The following PTPN14 variants were observed in gnomAD, a reference collection of about 807,000 sequenced individuals.
The protein encoded by PTPN14 is tyrosine-protein phosphatase non-receptor type 14.
In PTPN14, 53 loss-of-function variants were observed where a neutral mutation model predicts 126.8. The observed-to-expected ratio is 0.42, with a 90% CI of 0.34 to 0.53. PTPN14 has a LOEUF of 0.53. PTPN14 is among the 20% of genes least tolerant of loss of function. The pLI is 0.08. For missense variants in PTPN14, 1,257 were observed against 1,552.9 expected, an observed-to-expected ratio of 0.81 and a Z score of 3.20; for synonymous variants, 630 against 599.3, an observed-to-expected ratio of 1.05 and a Z score of -0.75.
chr1:214,481,505 C>A (rs1660985550), intron 1 of PTPN14, among the ~76,000 whole-genome samples: 1 of 103,644 alleles, frequency 9.6e-6, no homozygotes, highest in East Asian at 2.5e-4. Context: ...GCGCGAAACT[C>A]CCGCTCAAAA....
At chr1:214,458,348 A>T (rs1004200893) in intron 2 of PTPN14, among the ~76,000 whole-genome samples, 1 of 152,036 alleles carries the variant, frequency 6.6e-6, no homozygotes, top group African/African-American at 2.4e-5. Context: ...GCCTGGCCCC[A>T]GTTTCTAATA....
intron 1 of PTPN14, among the ~76,000 whole-genome samples, chr1:214,533,850 A>C (rs1655627241): frequency 1.3e-5 from 2 of 151,628 alleles, no homozygotes; most frequent in Admixed American, 1.3e-4. Context: ...AAACAAAAAA[A>C]AAAAAAAGAG....
At position 214,353,380 on chromosome 1, in the gene PTPN14, T is replaced by G. The variant is rs188186898; in HGVS notation, c.*4542A>C. ...ATTCAGCATGTGGCAAATTCAACTT[T>G]TGCTTTTTGGAACTTTGTGGGTTTC... On this transcript the variant is annotated 3_prime_UTR_variant, in exon 19 of 19. Coordinates refer to ENST00000366956, the MANE Select transcript of PTPN14 (RefSeq NM_005401.5). The G allele has an allele frequency of 6.6e-6, 1 of 152,246 alleles. No homozygotes were observed. The highest frequency in any genetic ancestry group is 1.9e-4 in the East Asian group (1 of 5,174). The allele number at this position is 152,246 out of a possible 1,614,324, so 9.4% of individuals were successfully genotyped here.
At chr1:214,501,528 G>A (rs1654698192) in intron 1 of PTPN14, among the ~76,000 whole-genome samples, 1 of 151,992 alleles carries the variant, frequency 6.6e-6, no homozygotes, top group African/African-American at 2.4e-5. Context: ...AGGCATGAAT[G>A]ACCACGCCCA....
At chr1:214,527,165 C>T (rs1655421315) in intron 1 of PTPN14, among the ~76,000 whole-genome samples, 1 of 151,916 alleles carries the variant, frequency 6.6e-6, no homozygotes, top group African/African-American at 2.4e-5. Context: ...GCAGGAAAGC[C>T]CCCACCTTCT....
chr1:214,364,774 T>TGTGTGTGA lies in PTPN14; in HGVS notation c.3272-100_3272-99insTCACACAC, dbSNP rs1658041825. On this transcript the variant is annotated intron_variant, in intron 17 of 18. Coordinates refer to ENST00000366956, the MANE Select transcript of PTPN14 (RefSeq NM_005401.5). This position sits in a 1 kb window ranked among gnomAD's most constrained non-coding sequence, Gnocchi z 4.1. ...GAAGAGAACTGATGGTGAGTGTGTG[T>TGTGTGTGA]GTGTGTGTGTGTGTGTGTGTGTGTG... The TGTGTGTGA allele has an allele frequency of 1.6e-6, 1 of 631,960 alleles. No homozygotes were observed. The highest frequency in any genetic ancestry group is 3.2e-5 in the Admixed American group (1 of 31,628). The allele number at this position is 631,960 out of a possible 1,614,324, so 39.1% of individuals were successfully genotyped here.
At chr1:214,402,437 CAAAAAAA>C (rs1165595746) in intron 6 of PTPN14, among the ~76,000 whole-genome samples, 10 of 48,132 alleles carry the variant, frequency 2.1e-4, no homozygotes, top group Middle Eastern at 0.011. Flanking sequence ...GAGACTCTGT[CAAAAAAA>C]AAAAAAAAAA....
At chr1:214,437,654 G>A (rs548254115) in intron 3 of PTPN14, among the ~76,000 whole-genome samples, 2 of 152,252 alleles carry the variant, frequency 1.3e-5, no homozygotes, top group South Asian at 4.1e-4. Context: ...TCTCCATTCT[G>A]TTCCTTCTAG....
chr1:214,409,446 C>T (rs1659248061), intron 5 of PTPN14, among the ~76,000 whole-genome samples: 1 of 152,132 alleles, frequency 6.6e-6, no homozygotes, highest in Non-Finnish European at 1.5e-5. Context: ...TGAGTATACA[C>T]CATTTTTACC....
chr1:214,502,618 C>T (rs1654734921), intron 1 of PTPN14, among the ~76,000 whole-genome samples: 1 of 152,094 alleles, frequency 6.6e-6, no homozygotes, highest in Non-Finnish European at 1.5e-5. Context: ...CTCAGCCTCC[C>T]AAAGTGCTGG....
rs1466369212 is a variant in PTPN14 at position 214,364,764 on chromosome 1, TGA to T, written c.3272-91_3272-90del. ...GGGGGGAGCGGAAGAGAACTGATGG[TGA>T]GTGTGTGTGTGTGTGTGTGTGTGTG... On this transcript the variant is annotated intron_variant, in intron 17 of 18. Coordinates refer to ENST00000366956, the MANE Select transcript of PTPN14 (RefSeq NM_005401.5). The surrounding 1 kb of genome is among the most constrained non-coding windows in gnomAD (Gnocchi z 4.1). 7.7e-6 allele frequency: 9 copies of T among 1,170,858 alleles called. No homozygotes were observed. Among genetic ancestry groups the T allele is most frequent in the South Asian group, 1.4e-5 (1 of 69,906 alleles). 72.5% of individuals were successfully genotyped at this position (1,170,858 alleles called of 1,614,324 possible).
At chr1:214,526,601 C>T (rs1207533480) in intron 1 of PTPN14, among the ~76,000 whole-genome samples, 1 of 151,946 alleles carries the variant, frequency 6.6e-6, no homozygotes, top group Admixed American at 6.6e-5. Flanking sequence ...ACCACAACCA[C>T]AGCAATGAAA....
intron 2 of PTPN14, among the ~76,000 whole-genome samples, chr1:214,457,355 C>T (rs1660406547): frequency 6.6e-6 from 1 of 152,194 alleles, no homozygotes; most frequent in Non-Finnish European, 1.5e-5. Context: ...AAAACCAAGG[C>T]TCTTAGGCTT....
intron 5 of PTPN14, among the ~76,000 whole-genome samples, chr1:214,404,696 T>C (rs1484142552): frequency 6.6e-6 from 1 of 152,174 alleles, no homozygotes; most frequent in Non-Finnish European, 1.5e-5. Flanking sequence ...AGTGCGAGCA[T>C]GGCCCTGTGG....
intron 2 of PTPN14, among the ~76,000 whole-genome samples, chr1:214,463,593 G>C (rs1337954880): frequency 1.3e-5 from 2 of 152,204 alleles, no homozygotes; most frequent in Admixed American, 6.5e-5. Context: ...GAGCAGGAAA[G>C]GGGAGAGGAA....
intron 1 of PTPN14, among the ~76,000 whole-genome samples, chr1:214,538,815 T>C (rs1410451569): frequency 6.6e-6 from 1 of 152,182 alleles, no homozygotes; most frequent in East Asian, 1.9e-4. Flanking sequence ...ATATTAATAT[T>C]AACCACATTT....
chr1:214,520,065 A>AATATATATATATATATATATATAT (rs1553274995), intron 1 of PTPN14, among the ~76,000 whole-genome samples: 4 of 71,084 alleles, frequency 5.6e-5, no homozygotes, highest in East Asian at 4.8e-4. Flanking sequence ...AAAAAAAAAA[A>AATATATATATATATATATATATAT]ATATATATAT....
intron 1 of PTPN14, among the ~76,000 whole-genome samples, chr1:214,512,328 T>C (rs760322085): frequency 3.3e-5 from 5 of 152,170 alleles, no homozygotes; most frequent in Non-Finnish European, 7.4e-5. Flanking sequence ...TCACTCCTTC[T>C]GCCTCCTAAC....
At chr1:214,507,053 G>T (rs1654862373) in intron 1 of PTPN14, among the ~76,000 whole-genome samples, 1 of 151,590 alleles carries the variant, frequency 6.6e-6, no homozygotes, top group African/African-American at 2.4e-5. Flanking sequence ...GATATCACCT[G>T]CTTTCTTTAC....
Sources: gnomAD v4.1 joint callset for allele counts (sites outside exome capture counted in the v4.1 genomes callset) on GRCh38, gnomAD v4.1.1 for gene constraint, Gnocchi (gnomAD v3.1) non-coding constraint, MANE v1.5 for transcripts, NCBI Gene and HGNC (gene_info 2026-07-23, HGNC 2026-07-21) for gene names.